Variants in SUCLA2 observed in about 807,000 individuals in gnomAD.
SUCLA2 encodes the protein succinate--CoA ligase [ADP-forming] subunit beta, mitochondrial.
A neutral mutation model predicts 54.8 loss-of-function variants in SUCLA2; 30 were observed. The observed-to-expected ratio is 0.55, with a 90% CI of 0.41 to 0.74. The LOEUF is 0.74. SUCLA2 is among the 30% of genes least tolerant of loss of function. The pLI is 0.00. For synonymous variants in SUCLA2, 172 were observed against 188.9 expected (o/e 0.91, Z 0.74); for missense variants, 476 against 562.9 (o/e 0.85, Z 1.56).
At chr13:47,949,393 T>C in intron 9 of SUCLA2, 90 bp downstream of exon 9, 2 of 1,459,632 alleles carry the variant, frequency 1.4e-6, no homozygotes, top group South Asian at 2.3e-5. Flanking sequence ...GACACAGCTA[T>C]TTAAAAACTA....
intron 6 of SUCLA2, among the ~76,000 whole-genome samples, chr13:47,955,623 A>G (rs9595824): frequency 0.063 from 9,560 of 152,222 alleles, 355 homozygotes; most frequent in Middle Eastern, 0.095. Flanking sequence ...CAAAAACTAT[A>G]TGTGATCCAT....
At chr13:47,977,128 C>G (rs550712393) in intron 4 of SUCLA2, among the ~76,000 whole-genome samples, 142 of 152,062 alleles carry the variant, frequency 9.3e-4, no homozygotes, top group Non-Finnish European at 1.5e-3. Flanking sequence ...GGAGACATTA[C>G]AGCTGTCACA....
chr13:47,988,357 A>C (rs1950121263), intron 4 of SUCLA2, 184 bp downstream of exon 4: 2 of 628,350 alleles, frequency 3.2e-6, no homozygotes, highest in Non-Finnish European at 5.3e-6. Context: ...ATGATATTAT[A>C]TATCAAATTT....
At chr13:47,945,643 GACACACACACACACAC>G (rs773399228) in intron 10 of SUCLA2, 5 of 111,588 alleles carry the variant, frequency 4.5e-5, no homozygotes, top group East Asian at 2.6e-4. Context: ...GGAAAAGGGA[GACACACACACACACAC>G]ACACACACAC....
intron 10 of SUCLA2, among the ~76,000 whole-genome samples, chr13:47,948,685 A>G (rs1286572799): frequency 6.6e-6 from 1 of 152,046 alleles, no homozygotes; most frequent in Non-Finnish European, 1.5e-5. Context: ...TCCTTGCTGT[A>G]TTTGGAGTTG....
At chr13:47,993,792 T>C (rs1950169138) in intron 2 of SUCLA2, among the ~76,000 whole-genome samples, 1 of 152,108 alleles carries the variant, frequency 6.6e-6, no homozygotes, top group Non-Finnish European at 1.5e-5. Context: ...TCCCAGCACT[T>C]TGGGAGGGTG....
In SUCLA2 at chr13:47,943,230, A is replaced by G; in HGVS notation, c.*141T>C. 1.2e-6 allele frequency: 1 copy of G among 850,032 alleles called. No individual in the cohort carries two copies. Among genetic ancestry groups the G allele is most frequent in the South Asian group, 1.4e-5 (1 of 74,028 alleles). The allele number at this position is 850,032 out of a possible 1,614,324, so 52.7% of individuals were successfully genotyped here. A position where few individuals can be genotyped will look rare whatever the true frequency, so the allele number is the denominator to read the frequency against. On this transcript the variant is annotated 3_prime_UTR_variant, in exon 11 of 11. Transcript: ENST00000646932. ...TGAATGGTACAATTAAATGCAGTCC[A>G]AATCCTTTTAAATGTTTGTGTGCCT...
intron 6 of SUCLA2, chr13:47,965,625 T>G (rs752911888): frequency 6.3e-5 from 25 of 398,294 alleles, no homozygotes; most frequent in Non-Finnish European, 1.0e-4. Flanking sequence ...CAATTCAATG[T>G]GTGATCCTGG....
At chr13:47,943,474 A>C in intron 10 of SUCLA2, 29 bp from the exon 11 acceptor site, 5 of 1,610,530 alleles carry the variant, frequency 3.1e-6, no homozygotes, top group Non-Finnish European at 4.2e-6. Context: ...GAATTTTCAC[A>C]AAAAGGTAAA....
rs1372609937 is a variant in SUCLA2 at position 48,001,203 on chromosome 13, T to C, written c.67A>G (p.Thr23Ala). ...VATLRNHRPR[T>A]AQRAAAQVLG... is the part of the protein sequence containing the mutation. ...ACCTGAGCAGCAGCCCGCTGGGCCG[T>C]CCGAGGCCGGTGGTTCCGAAGGGTG... is the stretch of plus-strand genomic sequence containing the variant. The change falls in exon 1 of 11, where the codon ACG becomes GCG. Residue 23 changes from threonine (T) to alanine (A), a missense_variant. By Grantham distance (58) the Thr-to-Ala change is moderately conservative. This residue lies in a region of SUCLA2 where 134 missense variants were observed against 118.7 expected (regional missense o/e 1.13). Transcript: ENST00000646932. 2 of 1,609,526 alleles carry C rather than the reference T, an allele frequency of 1.2e-6. No homozygotes were observed. Among genetic ancestry groups the C allele is most frequent in the Admixed American group, 1.7e-5 (1 of 59,476 alleles).
intron 6 of SUCLA2, among the ~76,000 whole-genome samples, chr13:47,966,836 G>A (rs1260190101): frequency 6.6e-6 from 1 of 151,884 alleles, no homozygotes. Flanking sequence ...AACATATTGA[G>A]GGCCCGTCTC....
chr13:47,972,866 G>A (rs1306162997), intron 5 of SUCLA2, among the ~76,000 whole-genome samples: 1 of 148,324 alleles, frequency 6.7e-6, no homozygotes, highest in Non-Finnish European at 1.5e-5. Flanking sequence ...TTCTGCCTCA[G>A]CCTCCCGAGT....
At chr13:47,990,162 A>T (rs1369149973) in intron 2 of SUCLA2, among the ~76,000 whole-genome samples, 2 of 152,190 alleles carry the variant, frequency 1.3e-5, no homozygotes, top group African/African-American at 4.8e-5. Context: ...AGACTAGCCA[A>T]TATGGTGAAA....
At chr13:47,985,610 TACC>T (rs1950096504) in intron 4 of SUCLA2, among the ~76,000 whole-genome samples, 1 of 152,216 alleles carries the variant, frequency 6.6e-6, no homozygotes, top group Admixed American at 6.5e-5. Flanking sequence ...GGTGTATATG[TACC>T]ACATTTTCTT....
At chr13:47,943,667 A>C (rs1467542317) in intron 10 of SUCLA2, among the ~76,000 whole-genome samples, 1 of 151,692 alleles carries the variant, frequency 6.6e-6, no homozygotes, top group Non-Finnish European at 1.5e-5. Context: ...TCTGATTAAG[A>C]TGTTATACCA....
At chr13:47,959,938 A>G (rs918049149) in intron 6 of SUCLA2, among the ~76,000 whole-genome samples, 3 of 152,188 alleles carry the variant, frequency 2.0e-5, no homozygotes, top group Non-Finnish European at 4.4e-5. Context: ...GCTGTTTTGC[A>G]TGGATACTGC....
intron 5 of SUCLA2, chr13:47,971,559 G>T (rs1159440301): frequency 1.1e-5 from 3 of 266,598 alleles, no homozygotes; most frequent in East Asian, 6.0e-5. Context: ...TTTTTTTAGT[G>T]GGGGGAAGAA....
intron 4 of SUCLA2, among the ~76,000 whole-genome samples, chr13:47,986,708 TGA>T (rs1207555337): frequency 1.3e-5 from 2 of 152,234 alleles, no homozygotes; most frequent in Non-Finnish European, 2.9e-5. Context: ...TAATCCATCT[TGA>T]GTTAACTTTT....
intron 4 of SUCLA2, among the ~76,000 whole-genome samples, chr13:47,978,876 AAAG>A (rs1398284259): frequency 1.3e-5 from 2 of 152,282 alleles, no homozygotes; most frequent in Non-Finnish European, 2.9e-5. Context: ...ATACTTTTCA[AAAG>A]AAGACATTTA....
Sources: allele counts gnomAD v4.1 joint callset (sites outside exome capture counted in the v4.1 genomes callset), GRCh38; gene constraint gnomAD v4.1.1; regional missense constraint gnomAD v4.1.1; transcripts MANE v1.5; gene names NCBI Gene and HGNC (gene_info 2026-07-23, HGNC 2026-07-21).